PUS7: variants seen among roughly 807,000 people sequenced by gnomAD.
PUS7 encodes the protein pseudouridylate synthase 7 homolog.
A neutral mutation model predicts 79.8 loss-of-function variants in PUS7; 48 were observed. The observed-to-expected ratio is 0.60, with a 90% CI of 0.48 to 0.76. The LOEUF (loss-of-function observed/expected upper bound fraction) is 0.76. Among genes scored for constraint, PUS7 ranks in the 30% least tolerant of loss-of-function variants. PUS7 has a pLI of 0.00. For missense variants in PUS7, 729 were observed against 797.6 expected (o/e 0.91, Z 1.04); for synonymous variants, 286 against 272.2 (o/e 1.05, Z -0.50).
intron 12 of PUS7, among the ~76,000 whole-genome samples, chr7:105,468,083 C>T (rs1383929933): frequency 6.6e-6 from 1 of 152,062 alleles, no homozygotes; most frequent in Non-Finnish European, 1.5e-5. Flanking sequence ...TAGGCATGCA[C>T]CACCACACCC....
chr7:105,516,410 G>A (rs567171728), intron 1 of PUS7, among the ~76,000 whole-genome samples: 3 of 152,014 alleles, frequency 2.0e-5, no homozygotes, highest in East Asian at 1.9e-4. Context: ...TGTCATTTTC[G>A]CAAGCAGGAA....
At chr7:105,515,573 T>C (rs1035424608) in intron 1 of PUS7, among the ~76,000 whole-genome samples, 1 of 152,180 alleles carries the variant, frequency 6.6e-6, no homozygotes, top group African/African-American at 2.4e-5. Flanking sequence ...TAAACTCACT[T>C]TTAAATTTCA....
intron 11 of PUS7, 43 bp downstream of exon 11, chr7:105,470,644 TA>T: frequency 1.3e-6 from 2 of 1,499,358 alleles, no homozygotes; most frequent in African/African-American, 2.8e-5. Flanking sequence ...TAAAAAGCAT[TA>T]AAACGCCTTG....
intron 1 of PUS7, among the ~76,000 whole-genome samples, chr7:105,513,655 G>C (rs957637919): frequency 3.3e-5 from 5 of 150,190 alleles, no homozygotes; most frequent in East Asian, 2.0e-4. Context: ...GGCTAACATG[G>C]TGAAACCCCG....
intron 1 of PUS7, among the ~76,000 whole-genome samples, chr7:105,517,073 AGTAAAACCC>A (rs1174839554): frequency 1.7e-4 from 26 of 152,286 alleles, no homozygotes; most frequent in African/African-American, 6.3e-4. Flanking sequence ...TTAATTGTCA[AGTAAAACCC>A]CATAGACCAG....
chr7:105,507,215 T>C (rs1437678056), intron 2 of PUS7, among the ~76,000 whole-genome samples: 1 of 151,804 alleles, frequency 6.6e-6, no homozygotes. Context: ...CAGGCTAATT[T>C]TTGTATTATT....
intron 7 of PUS7, among the ~76,000 whole-genome samples, chr7:105,491,041 T>C (rs970010734): frequency 6.6e-6 from 1 of 152,230 alleles, no homozygotes; most frequent in Non-Finnish European, 1.5e-5. Context: ...CAGCATCCCA[T>C]TTTCTATGAA....
At chr7:105,494,402 ATTT>A (rs756519297) in intron 6 of PUS7, among the ~76,000 whole-genome samples, 72 of 87,798 alleles carry the variant, frequency 8.2e-4, no homozygotes, top group Admixed American at 1.8e-3. Context: ...ATGATCAGTG[ATTT>A]TTTTTTTTTT....
At chr7:105,518,833 A>C (rs963521062) in intron 1 of PUS7, among the ~76,000 whole-genome samples, 1 of 149,952 alleles carries the variant, frequency 6.7e-6, no homozygotes, top group Non-Finnish European at 1.5e-5. Context: ...CAGTGGCGCA[A>C]TCTCGGCTCA....
At chr7:105,469,025 T>C (rs1823771462) in intron 11 of PUS7, among the ~76,000 whole-genome samples, 2 of 151,322 alleles carry the variant, frequency 1.3e-5, no homozygotes, top group East Asian at 2.0e-4. Context: ...CCCCAGCCTC[T>C]TGAGTAGCTG....
intron 11 of PUS7, among the ~76,000 whole-genome samples, chr7:105,469,478 G>A (rs1823788947): frequency 6.6e-6 from 1 of 152,064 alleles, no homozygotes; most frequent in South Asian, 2.1e-4. Context: ...TATTCATTTT[G>A]AGACGGAGTC....
At position 105,502,394 on chromosome 7, in the gene PUS7, G is replaced by A. The variant is rs201599159; in HGVS notation, c.730+26C>T. ...GCCTGCCGCTCACGGCTGCCTGGCAGGAGGAAGCTGCTCACAGACACCTAC... is the reference window on the plus strand; with the variant it reads ...GCCTGCCGCTCACGGCTGCCTGGCAAGAGGAAGCTGCTCACAGACACCTAC... On this transcript the variant is annotated intron_variant, in intron 5 of 15. Transcript: ENST00000469408. The A allele has an allele frequency of 2.8e-3, 4,511 of 1,613,274 alleles. 16 individuals carry two copies. Among genetic ancestry groups the A allele is most frequent in the Middle Eastern group, 0.012 (71 of 6,060 alleles).
intron 4 of PUS7, among the ~76,000 whole-genome samples, chr7:105,505,003 A>ATTTTTTTTTTTTTTTTTTTTTTTTTT (rs112752687): frequency 7.0e-5 from 10 of 142,682 alleles, no homozygotes; most frequent in Middle Eastern, 7.2e-3. Context: ...ATTTAACATA[A>ATTTTTTTTTTTTTTTTTTTTTTTTTT]TTTTTTTTTT....
intron 7 of PUS7, among the ~76,000 whole-genome samples, chr7:105,489,147 C>CAAAAAAAAAAAAAA (rs762504334): frequency 5.9e-5 from 2 of 33,668 alleles, no homozygotes; most frequent in Admixed American, 3.6e-4. Context: ...AACTCCATCT[C>CAAAAAAAAAAAAAA]AAAAAAAAAA....
rs190791667 is a variant in PUS7, at chr7:105,502,684, T to C, written c.586-120A>G. ...AACTACGCAAAATAACAAAAGTGCC[T>C]GCATACGATTTCAAAAATCTTTTAT... On this transcript the variant is annotated intron_variant, in intron 4 of 15. Coordinates refer to ENST00000469408, the MANE Select transcript of PUS7 (RefSeq NM_019042.5). 6.2e-4 allele frequency: 675 copies of C among 1,094,916 alleles called. 3 individuals are homozygous for C. Among genetic ancestry groups the C allele is most frequent in the East Asian group, 1.5e-4 (6 of 41,058 alleles). 67.8% of individuals were successfully genotyped at this position (1,094,916 alleles called of 1,614,324 possible).
At chr7:105,491,491 A>G (rs1332484877) in intron 7 of PUS7, 49 bp downstream of exon 7, 1 of 1,192,066 alleles carries the variant, frequency 8.4e-7, no homozygotes, top group Non-Finnish European at 1.2e-6. Context: ...TCTGAAAAGC[A>G]GTGCCAGGAT....
At chr7:105,494,401 G>A (rs1586148975) in intron 6 of PUS7, among the ~76,000 whole-genome samples, 1 of 123,138 alleles carries the variant, frequency 8.1e-6, no homozygotes, top group South Asian at 3.3e-4. Flanking sequence ...CATGATCAGT[G>A]ATTTTTTTTT....
At chr7:105,517,149 T>C (rs895988345) in intron 1 of PUS7, among the ~76,000 whole-genome samples, 7 of 148,750 alleles carry the variant, frequency 4.7e-5, no homozygotes, top group Non-Finnish European at 1.1e-4. Flanking sequence ...CCCCAAAACT[T>C]AAAATCCTTC....
Position 105,462,764 on chromosome 7 carries a change from C to T in PUS7, c.1628-14G>A, listed in dbSNP as rs374037548. 1.2e-5 allele frequency: 19 copies of T among 1,600,130 alleles called. No homozygotes were observed. Among genetic ancestry groups the T allele is most frequent in the South Asian group, 3.4e-5 (3 of 88,662 alleles). On this transcript the variant is annotated splice_polypyrimidine_tract_variant and intron_variant, in intron 13 of 15. Coordinates refer to ENST00000469408, the MANE Select transcript of PUS7 (RefSeq NM_019042.5). ...AGGCTTCTTGAACTAATATAAAATACAAAAAGTTAGTTGAAATGCAGCTTG... is the reference window on the plus strand; with the variant it reads ...AGGCTTCTTGAACTAATATAAAATATAAAAAGTTAGTTGAAATGCAGCTTG...
Sources: allele counts gnomAD v4.1 joint callset (sites outside exome capture counted in the v4.1 genomes callset), GRCh38; gene constraint gnomAD v4.1.1; transcripts MANE v1.5; gene names NCBI Gene and HGNC (gene_info 2026-07-23, HGNC 2026-07-21).